PSG9: variants seen among roughly 807,000 people sequenced by gnomAD.
The protein encoded by PSG9 is pregnancy specific beta-1-glycoprotein 9.
PSG9 carries 49 observed loss-of-function variants against 41.9 expected under a neutral mutation model. That is an observed-to-expected ratio of 1.17 (90% CI 0.93 to 1.48). PSG9 has a LOEUF of 1.48. PSG9 is among the 40% of genes most tolerant of loss of function. PSG9 has a pLI of 0.00. For synonymous variants in PSG9, 263 were observed against 196.8 expected (o/e 1.34, Z -2.82); for missense variants, 641 against 520.3 (o/e 1.23, Z -2.26).
chr19:43,258,794 T>G (rs1968563638), intron 4 of PSG9, 63 bp downstream of exon 4: 5 of 1,565,358 alleles, frequency 3.2e-6, no homozygotes, highest in Non-Finnish European at 4.3e-6. Context: ...CTGAGAGGCC[T>G]GGCATCTGGT....
At position 43,258,335 on chromosome 19, in the gene PSG9, C is replaced by G. The variant is rs775978077; in HGVS notation, c.1110G>C (p.Gly370=). ...PPAEYFWTIN[G]KFQQSGQKLF... ...GCTTTTGTCCTGATTGCTGAAACTTCCCATTAATTGTCCAAAAATACTCTG... is the reference window on the plus strand; with the variant it reads ...GCTTTTGTCCTGATTGCTGAAACTTGCCATTAATTGTCCAAAAATACTCTG... The change falls in exon 5 of 6, where the codon GGG becomes GGC. Residue 370 remains glycine (G), a synonymous_variant. Transcript: ENST00000270077. The G allele has an allele frequency of 1.2e-5, 19 of 1,592,756 alleles. No individual in the cohort carries two copies. The highest frequency in any genetic ancestry group is 1.5e-5 in the Non-Finnish European group (18 of 1,174,570).
At chr19:43,253,784 G>A in intron 5 of PSG9, 138 bp from the exon 6 acceptor site, 1 of 550,794 alleles carries the variant, frequency 1.8e-6, no homozygotes, top group Non-Finnish European at 3.1e-6. Context: ...TCTAATGGGT[G>A]GCTGGTTGGA....
chr19:43,268,283 C>A (rs372466770), intron 1 of PSG9, 134 bp from the exon 2 acceptor site: 71 of 1,144,064 alleles, frequency 6.2e-5, no homozygotes, highest in Non-Finnish European at 8.2e-5. Context: ...CAAACAAACA[C>A]ACACAAAAAA....
At chr19:43,265,985 A>G (rs1029529162) in intron 2 of PSG9, among the ~76,000 whole-genome samples, 12 of 152,038 alleles carry the variant, frequency 7.9e-5, no homozygotes, top group African/African-American at 2.9e-4. Flanking sequence ...GGAACCGAAC[A>G]GCCAGCCTAG....
rs1452855937 is a variant in PSG9, at chr19:43,253,892, C to T, written c.1244-246G>A. 1.4e-5 allele frequency among the ~76,000 whole-genome samples: 2 copies of T among 146,238 alleles called. 1 individual carries two copies. The highest frequency in any genetic ancestry group is 5.2e-5 in the African/African-American group (2 of 38,352). On this transcript the variant is annotated intron_variant, in intron 5 of 5. Coordinates refer to ENST00000270077, the MANE Select transcript of PSG9 (RefSeq NM_002784.5). ...ACAGGAATCAGCTCTGCATAGTGTT[C>T]TGTGGGTTCTCCCATACTACCTTCA...
At chr19:43,260,758 T>G (rs975077940) in intron 3 of PSG9, 4 of 152,096 alleles carry the variant, frequency 2.6e-5, no homozygotes, top group Admixed American at 1.3e-4. Flanking sequence ...GGGATTCTGG[T>G]AGGGGTTGCA....
intron 2 of PSG9, among the ~76,000 whole-genome samples, chr19:43,266,660 T>C (rs546670131): frequency 6.6e-6 from 1 of 152,252 alleles, no homozygotes; most frequent in Non-Finnish European, 1.5e-5. Flanking sequence ...ACTAATCAGC[T>C]GACCATTTGC....
Position 43,259,201 on chromosome 19 carries a change from A to T in PSG9, c.710-66T>A. On this transcript the variant is annotated intron_variant, in intron 3 of 5. Coordinates refer to ENST00000270077, the MANE Select transcript of PSG9 (RefSeq NM_002784.5). ...TTTGATTCCTCCACAGGCATACTTC[A>T]ATCAGAGTTGGCATCTCCCACCTCT... 2.6e-6 allele frequency: 4 copies of T among 1,555,894 alleles called. 1 individual carries two copies. Among genetic ancestry groups the T allele is most frequent in the Non-Finnish European group, 3.5e-6 (4 of 1,156,316 alleles).
intron 2 of PSG9, among the ~76,000 whole-genome samples, chr19:43,265,835 G>A (rs985605257): frequency 6.6e-6 from 1 of 152,094 alleles, no homozygotes; most frequent in African/African-American, 2.4e-5. Context: ...AGCCATGGAT[G>A]GGAATACAGT....
intron 3 of PSG9, among the ~76,000 whole-genome samples, chr19:43,261,359 G>T (rs1440114369): frequency 1.3e-5 from 2 of 152,178 alleles, no homozygotes; most frequent in South Asian, 2.1e-4. Context: ...AGCCAAGAAT[G>T]CTCTGCCAGT....
chr19:43,261,095 T>C (rs1968689333), intron 3 of PSG9, among the ~76,000 whole-genome samples: 1 of 152,046 alleles, frequency 6.6e-6, no homozygotes, highest in Admixed American at 6.5e-5. Flanking sequence ...ATATTCCCTA[T>C]CCAGGGTTTT....
chr19:43,268,211 G>T (rs559062979), intron 1 of PSG9, 62 bp from the exon 2 acceptor site: 2 of 1,513,338 alleles, frequency 1.3e-6, no homozygotes, highest in African/African-American at 1.4e-5. Context: ...AAAAGATGGG[G>T]CCCTGGGTCC....
intron 4 of PSG9, among the ~76,000 whole-genome samples, 180 bp from the exon 5 acceptor site, chr19:43,258,636 G>C (rs887443100): frequency 6.8e-6 from 1 of 146,126 alleles, no homozygotes; most frequent in Non-Finnish European, 1.5e-5. Flanking sequence ...ATCACAAGCT[G>C]TGGGCCCCAA....
chr19:43,268,500 ACCT>A (rs1969092309), intron 1 of PSG9, among the ~76,000 whole-genome samples: 1 of 151,786 alleles, frequency 6.6e-6, no homozygotes, highest in East Asian at 1.9e-4. Context: ...CTTTCCTGAC[ACCT>A]CCTTCAGAGA....
intron 3 of PSG9, among the ~76,000 whole-genome samples, chr19:43,261,142 G>C (rs913118704): frequency 6.6e-6 from 1 of 152,090 alleles, no homozygotes; most frequent in African/African-American, 2.4e-5. Context: ...GCAGGTGGCT[G>C]TTCCCTGACA....
chr19:43,261,746 T>C, intron 3 of PSG9, 114 bp downstream of exon 3: 2 of 1,610,894 alleles, frequency 1.2e-6, no homozygotes, highest in Non-Finnish European at 1.7e-6. Context: ...CCAGCTTTGA[T>C]GTCTAGGGGT....
chr19:43,255,978 T>A (rs988228013), intron 5 of PSG9, among the ~76,000 whole-genome samples: 2 of 146,532 alleles, frequency 1.4e-5, no homozygotes, highest in Non-Finnish European at 3.0e-5. Context: ...CTCAGTGGCA[T>A]TTTTGCAGAA....
At chr19:43,267,760 C>T in intron 2 of PSG9, 24 bp downstream of exon 2, 6 of 1,612,570 alleles carry the variant, frequency 3.7e-6, no homozygotes, top group Non-Finnish European at 4.2e-6. Context: ...CCCCAACACC[C>T]AGGGATCATG....
intron 2 of PSG9, among the ~76,000 whole-genome samples, chr19:43,264,547 T>A (rs1344246932): frequency 1.3e-5 from 2 of 152,078 alleles, no homozygotes; most frequent in Non-Finnish European, 2.9e-5. Context: ...AAGCTCCGCC[T>A]TCTGGGTTCA....
Sources: gnomAD v4.1 joint callset for allele counts (sites outside exome capture counted in the v4.1 genomes callset) on GRCh38, gnomAD v4.1.1 for gene constraint, MANE v1.5 for transcripts, NCBI Gene and HGNC (gene_info 2026-07-23, HGNC 2026-07-21) for gene names.